LRRTM4: variants seen among roughly 807,000 people sequenced by gnomAD.
The protein encoded by LRRTM4 is leucine-rich repeat transmembrane neuronal protein 4.
Under a neutral mutation model 47.6 loss-of-function variants are expected in LRRTM4, and 25 were observed. The ratio of observed to expected loss-of-function variants is 0.53; its 90% confidence interval spans 0.38 to 0.73. The LOEUF (loss-of-function observed/expected upper bound fraction) is 0.73. Among genes scored for constraint, LRRTM4 ranks in the 30% least tolerant of loss-of-function variants. LRRTM4 has a pLI of 0.00. For synonymous variants in LRRTM4, 311 were observed against 269.5 expected, an observed-to-expected ratio of 1.15 and a Z score of -1.51; for missense variants, 638 against 713.4, an observed-to-expected ratio of 0.89 and a Z score of 1.20.
chr2:77,174,894 G>C (rs1673149747), intron 3 of LRRTM4, among the ~76,000 whole-genome samples: 1 of 151,920 alleles, frequency 6.6e-6, no homozygotes, highest in Non-Finnish European at 1.5e-5. Flanking sequence ...GAGGCCACAG[G>C]AGTCATTTAA....
At chr2:77,081,108 GT>G (rs1410097456) in intron 3 of LRRTM4, among the ~76,000 whole-genome samples, 6 of 151,926 alleles carry the variant, frequency 3.9e-5, no homozygotes, top group African/African-American at 1.5e-4. Flanking sequence ...ATTGCCTTTG[GT>G]TTTCTGTGAT....
intron 3 of LRRTM4, among the ~76,000 whole-genome samples, chr2:77,357,771 T>C (rs1016347): frequency 0.2 from 30,712 of 152,102 alleles, 3,876 homozygotes; most frequent in East Asian, 0.48. Context: ...TTTTAATGAG[T>C]GTAGCATTAG....
intron 3 of LRRTM4, among the ~76,000 whole-genome samples, chr2:76,949,645 T>G (rs1281870427): frequency 6.6e-6 from 1 of 151,942 alleles, no homozygotes; most frequent in East Asian, 1.9e-4. Flanking sequence ...GATCTCAGAT[T>G]CTTCTCTGGT....
chr2:76,863,916 T>A (rs1030015180), intron 3 of LRRTM4, among the ~76,000 whole-genome samples: 4 of 152,188 alleles, frequency 2.6e-5, no homozygotes, highest in Non-Finnish European at 5.9e-5. Flanking sequence ...TTAATAAGAA[T>A]AAATGTTAAT....
At chr2:77,472,047 T>G (rs1677209179) in intron 3 of LRRTM4, among the ~76,000 whole-genome samples, 1 of 152,156 alleles carries the variant, frequency 6.6e-6, no homozygotes, top group Admixed American at 6.6e-5. Flanking sequence ...AAGGCAACTC[T>G]CTGTCTTCTT....
chr2:77,253,930 T>C (rs1675691681), intron 3 of LRRTM4, among the ~76,000 whole-genome samples: 1 of 151,050 alleles, frequency 6.6e-6, no homozygotes, highest in Non-Finnish European at 1.5e-5. Context: ...TAGAGAAGAG[T>C]TGAAAAGATA....
intron 3 of LRRTM4, among the ~76,000 whole-genome samples, chr2:76,820,142 A>G (rs994936629): frequency 1.3e-5 from 2 of 151,924 alleles, no homozygotes; most frequent in Non-Finnish European, 2.9e-5. Flanking sequence ...TGGTCATGCA[A>G]CTATGATGAA....
chr2:77,125,609 G>A (rs1003938187), intron 3 of LRRTM4, among the ~76,000 whole-genome samples: 1 of 152,132 alleles, frequency 6.6e-6, no homozygotes, highest in Non-Finnish European at 1.5e-5. Flanking sequence ...TAGCATGGTC[G>A]TTGTTATCTA....
chr2:77,383,145 A>G (rs1028107326), intron 3 of LRRTM4, among the ~76,000 whole-genome samples: 10 of 152,156 alleles, frequency 6.6e-5, no homozygotes, highest in African/African-American at 2.4e-4. Context: ...TACTCCAAAG[A>G]AAAATGGTTG....
At chr2:76,850,665 C>T (rs1336010355) in intron 3 of LRRTM4, among the ~76,000 whole-genome samples, 1 of 152,114 alleles carries the variant, frequency 6.6e-6, no homozygotes, top group Admixed American at 6.6e-5. Flanking sequence ...GTCCTTTCCC[C>T]ACCTCTGTTC....
At chr2:76,884,618 A>T (rs1673018911) in intron 3 of LRRTM4, among the ~76,000 whole-genome samples, 2 of 152,282 alleles carry the variant, frequency 1.3e-5, no homozygotes, top group South Asian at 4.1e-4. Flanking sequence ...TATATAAATA[A>T]CCTTATGTGG....
chr2:77,376,059 T>C (rs574781061), intron 3 of LRRTM4, among the ~76,000 whole-genome samples: 64 of 151,990 alleles, frequency 4.2e-4, no homozygotes, highest in African/African-American at 1.4e-3. Context: ...AAGTTGTTAA[T>C]ATCTTGCTAC....
At chr2:77,119,405 G>A (rs1158470888) in intron 3 of LRRTM4, among the ~76,000 whole-genome samples, 2 of 151,798 alleles carry the variant, frequency 1.3e-5, no homozygotes, top group African/African-American at 4.8e-5. Context: ...TGCAGTTTGG[G>A]AGCAAAAATT....
chr2:77,254,639 A>T (rs1406296405), intron 3 of LRRTM4, among the ~76,000 whole-genome samples: 1 of 151,934 alleles, frequency 6.6e-6, no homozygotes, highest in East Asian at 1.9e-4. Context: ...AATAAATTTA[A>T]GATAATTAGC....
chr2:76,777,172 T>C lies in LRRTM4; in HGVS notation c.1552-28256A>G, dbSNP rs1674055415. ...TTTTGGTTACTGTAGCCTTGCAGTA[T>C]AGTTTGAAGTCAGGGAGTGTGATGC... On this transcript the variant is annotated intron_variant, in intron 3 of 3. Coordinates refer to ENST00000409884, the MANE Select transcript of LRRTM4 (RefSeq NM_001134745.3). Among the ~76,000 whole-genome samples, 4 of 150,716 alleles carry C rather than the reference T, an allele frequency of 2.7e-5. 1 individual carries two copies. Among genetic ancestry groups the C allele is most frequent in the Admixed American group, 2.6e-4 (4 of 15,114 alleles).
At chr2:76,950,350 C>A (rs1032613519) in intron 3 of LRRTM4, among the ~76,000 whole-genome samples, 1 of 151,928 alleles carries the variant, frequency 6.6e-6, no homozygotes, top group African/African-American at 2.4e-5. Context: ...GAGTCAGACA[C>A]AAATACACTA....
chr2:77,237,629 A>C (rs1390167024), intron 3 of LRRTM4, among the ~76,000 whole-genome samples: 1 of 151,722 alleles, frequency 6.6e-6, no homozygotes, highest in Non-Finnish European at 1.5e-5. Flanking sequence ...GTTTACACCC[A>C]CATATAGGTT....
At chr2:77,372,026 A>G (rs1672672426) in intron 3 of LRRTM4, among the ~76,000 whole-genome samples, 1 of 151,712 alleles carries the variant, frequency 6.6e-6, no homozygotes, top group East Asian at 1.9e-4. Context: ...CAAGTCCCAC[A>G]GCAGTGATGC....
chr2:77,507,017 A>T (rs1218632871), intron 3 of LRRTM4, among the ~76,000 whole-genome samples: 2 of 152,032 alleles, frequency 1.3e-5, no homozygotes, highest in African/African-American at 4.8e-5. Context: ...ATGTTCCAGA[A>T]TTTTTAAAGT....
Sources: allele counts gnomAD v4.1 joint callset (sites outside exome capture counted in the v4.1 genomes callset), GRCh38; gene constraint gnomAD v4.1.1; transcripts MANE v1.5; gene names NCBI Gene and HGNC (gene_info 2026-07-23, HGNC 2026-07-21).